Variants in DIAPH3 observed in about 807,000 individuals in gnomAD.
DIAPH3 encodes protein diaphanous homolog 3.
In DIAPH3, 117 loss-of-function variants were observed where a neutral mutation model predicts 144.3. The observed-to-expected ratio is 0.81, with a 90% CI of 0.70 to 0.95. DIAPH3 has a LOEUF of 0.95. Ranked by LOEUF, DIAPH3 falls within the 40% of genes least tolerant of loss-of-function variation. The probability of loss-of-function intolerance (pLI) is 0.00; values close to 1 mark genes in which losing one functional copy is unlikely to be tolerated. For synonymous variants in DIAPH3, 519 were observed against 488.9 expected (o/e 1.06, Z -0.81); for missense variants, 1,421 against 1,412.7 (o/e 1.01, Z -0.09).
chr13:59,965,604 T>C (rs2050003081), intron 17 of DIAPH3, among the ~76,000 whole-genome samples: 1 of 151,902 alleles, frequency 6.6e-6, no homozygotes, highest in African/African-American at 2.4e-5. Context: ...GTTCAATATA[T>C]GAATATTATG....
intron 25 of DIAPH3, among the ~76,000 whole-genome samples, chr13:59,781,035 A>G (rs1368266832): frequency 6.6e-6 from 1 of 152,232 alleles, no homozygotes; most frequent in African/African-American, 2.4e-5. Context: ...AGGACAGGAG[A>G]AAAAAGATAA....
At chr13:59,819,420 G>A (rs1244873838) in intron 24 of DIAPH3, among the ~76,000 whole-genome samples, 1 of 151,706 alleles carries the variant, frequency 6.6e-6, no homozygotes. Flanking sequence ...ATAGTTTGTT[G>A]TATTTTGGTG....
At chr13:59,692,647 T>C (rs2138695957) in intron 27 of DIAPH3, among the ~76,000 whole-genome samples, 1 of 152,108 alleles carries the variant, frequency 6.6e-6, no homozygotes, top group Non-Finnish European at 1.5e-5. Context: ...CACAGTGAAA[T>C]AGTCAGGGTA....
chr13:60,099,742 T>C (rs931549337), intron 3 of DIAPH3, among the ~76,000 whole-genome samples: 1 of 152,172 alleles, frequency 6.6e-6, no homozygotes, highest in African/African-American at 2.4e-5. Flanking sequence ...TTAAAATCTA[T>C]ATCTAAACAG....
chr13:59,839,436 G>A lies in DIAPH3; in HGVS notation c.2750C>T (p.Thr917Met), dbSNP rs372502709. The A allele has an allele frequency of 1.0e-4, 166 of 1,612,862 alleles. No individual in the cohort carries two copies. The highest frequency in any genetic ancestry group is 1.4e-4 in the South Asian group (13 of 91,070). ...LDKASKVSVETLEKNLRQMGR... is the reference protein window; with the variant it reads ...LDKASKVSVEMLEKNLRQMGR... ...CATCTGCCTCAAATTCTTTTCCAGC[G>A]TTTCTACAGAGACTAAAAGAGAGTA... The change falls in exon 23 of 28, where the codon ACG (threonine) becomes ATG (methionine). Residue 917 changes from threonine (T) to methionine (M), a missense_variant. Coordinates refer to ENST00000400324, the MANE Select transcript of DIAPH3 (RefSeq NM_001042517.2).
At chr13:59,836,479 T>G (rs1019143673) in intron 23 of DIAPH3, among the ~76,000 whole-genome samples, 9 of 151,792 alleles carry the variant, frequency 5.9e-5, no homozygotes, top group Non-Finnish European at 1.5e-5. Context: ...TACTAAAATG[T>G]CAATGATATT....
At chr13:59,836,897 ATTC>A (rs1375610961) in intron 23 of DIAPH3, among the ~76,000 whole-genome samples, 1 of 151,932 alleles carries the variant, frequency 6.6e-6, no homozygotes, top group Non-Finnish European at 1.5e-5. Context: ...TAGCTTCCAA[ATTC>A]TTCAATTTTT....
intron 27 of DIAPH3, among the ~76,000 whole-genome samples, chr13:59,680,725 A>G (rs1442571825): frequency 6.6e-6 from 1 of 152,172 alleles, no homozygotes; most frequent in Non-Finnish European, 1.5e-5. Context: ...GAGTACACTC[A>G]TTTACAACTA....
intron 17 of DIAPH3, among the ~76,000 whole-genome samples, chr13:59,953,248 T>A (rs577112348): frequency 2.4e-4 from 36 of 152,282 alleles, no homozygotes; most frequent in South Asian, 2.1e-3. Context: ...CTGGCATATC[T>A]GGGGTACATC....
intron 22 of DIAPH3, among the ~76,000 whole-genome samples, chr13:59,860,197 T>C (rs1352647529): frequency 6.6e-6 from 1 of 152,102 alleles, no homozygotes; most frequent in Admixed American, 6.5e-5. Flanking sequence ...AAGATAAAAT[T>C]AATTTTTTTT....
chr13:59,966,245 G>A (rs1284596157), intron 17 of DIAPH3, among the ~76,000 whole-genome samples: 1 of 151,790 alleles, frequency 6.6e-6, no homozygotes, highest in Non-Finnish European at 1.5e-5. Flanking sequence ...AGTTTAAAAA[G>A]CAGAATAGGT....
intron 25 of DIAPH3, among the ~76,000 whole-genome samples, chr13:59,775,519 G>T (rs1255488380): frequency 6.6e-6 from 1 of 152,214 alleles, no homozygotes; most frequent in Non-Finnish European, 1.5e-5. Context: ...TGGGATTACA[G>T]GCGTGAGCCA....
intron 20 of DIAPH3, among the ~76,000 whole-genome samples, chr13:59,910,933 A>G (rs1157530704): frequency 6.6e-6 from 1 of 151,836 alleles, no homozygotes; most frequent in Admixed American, 6.6e-5. Flanking sequence ...TATGAGGTGC[A>G]GGCACAGCTA....
intron 2 of DIAPH3, among the ~76,000 whole-genome samples, chr13:60,122,704 A>G (rs772343356): frequency 2.2e-4 from 34 of 152,166 alleles, no homozygotes; most frequent in Non-Finnish European, 4.1e-4. Flanking sequence ...TATATATTCA[A>G]TAGGAAAACC....
intron 5 of DIAPH3, among the ~76,000 whole-genome samples, chr13:60,018,578 A>T (rs917915387): frequency 1.3e-5 from 2 of 152,198 alleles, no homozygotes; most frequent in African/African-American, 4.8e-5. Context: ...TGAACTATTC[A>T]AATAGAATTT....
intron 1 of DIAPH3, among the ~76,000 whole-genome samples, chr13:60,138,772 A>AAGAGG (rs1337636830): frequency 3.0e-4 from 19 of 64,036 alleles, no homozygotes; most frequent in Non-Finnish European, 6.2e-4. Flanking sequence ...AAGGAGAAGG[A>AAGAGG]GAAGGAGAAG....
intron 27 of DIAPH3, among the ~76,000 whole-genome samples, chr13:59,740,434 C>A (rs1361811472): frequency 2.0e-5 from 3 of 152,166 alleles, no homozygotes; most frequent in African/African-American, 7.2e-5. Context: ...CTGTCACATA[C>A]AGAGTGCTCA....
intron 1 of DIAPH3, among the ~76,000 whole-genome samples, chr13:60,162,127 A>T (rs1485875208): frequency 6.6e-6 from 1 of 152,226 alleles, no homozygotes; most frequent in Non-Finnish European, 1.5e-5. Flanking sequence ...TTTCATCTTT[A>T]TGAGAATCCA....
At chr13:59,865,205 A>T (rs2043844898) in intron 21 of DIAPH3, among the ~76,000 whole-genome samples, 1 of 152,048 alleles carries the variant, frequency 6.6e-6, no homozygotes. Context: ...CATAAAATGT[A>T]TTAGGTCCTT....
Sources: gnomAD v4.1 joint callset for allele counts (sites outside exome capture counted in the v4.1 genomes callset) on GRCh38, gnomAD v4.1.1 for gene constraint, MANE v1.5 for transcripts, NCBI Gene and HGNC (gene_info 2026-07-23, HGNC 2026-07-21) for gene names.